The following SCGN variants were observed in gnomAD, a reference collection of about 807,000 sequenced individuals.
SCGN encodes secretagogin, EF-hand calcium binding protein, also known as secretagogin.
In SCGN, 30 loss-of-function variants were observed where a neutral mutation model predicts 39.7. That is an observed-to-expected ratio of 0.76 (90% CI 0.57 to 1.03). The LOEUF is 1.03. SCGN is among the 50% of genes least tolerant of loss of function. The pLI is 0.00. For missense variants in SCGN, 353 were observed against 349.4 expected (o/e 1.01, Z -0.08); for synonymous variants, 106 against 114.1 (o/e 0.93, Z 0.45).
chr6:25,661,663 T>A lies in SCGN; in HGVS notation c.246+19T>A, dbSNP rs937611091. 1 of 1,501,002 alleles carries A rather than the reference T, an allele frequency of 6.7e-7. No individual in the cohort carries two copies. Among genetic ancestry groups the A allele is most frequent in the African/African-American group, 1.4e-5 (1 of 72,622 alleles). The allele number at this position is 1,501,002 out of a possible 1,614,324, so 93.0% of individuals were successfully genotyped here. A position where few individuals can be genotyped will look rare whatever the true frequency, so the allele number is the denominator to read the frequency against. ...GAAAGAGGTAACTTTACTGACAGTA[T>A]TTTTCATGGCTCTACTCTTCTTGAC... On this transcript the variant is annotated intron_variant, in intron 3 of 10. Coordinates refer to ENST00000377961, the MANE Select transcript of SCGN (RefSeq NM_006998.4).
chr6:25,694,962 A>G (rs2151383601), intron 10 of SCGN, among the ~76,000 whole-genome samples: 1 of 152,338 alleles, frequency 6.6e-6, no homozygotes, highest in South Asian at 2.1e-4. Context: ...AGCATATACC[A>G]TGGGATCAGC....
intron 6 of SCGN, among the ~76,000 whole-genome samples, chr6:25,676,738 A>G (rs1346643531): frequency 6.6e-6 from 1 of 152,160 alleles, no homozygotes; most frequent in Non-Finnish European, 1.5e-5. Flanking sequence ...ACGTATGTAA[A>G]ACAGTCAGTA....
At chr6:25,676,897 C>T (rs1005083345) in intron 6 of SCGN, among the ~76,000 whole-genome samples, 4 of 152,122 alleles carry the variant, frequency 2.6e-5, no homozygotes, top group Non-Finnish European at 4.4e-5. Context: ...AATGAATGAA[C>T]GCACGAATAA....
In SCGN at chr6:25,670,086, G is replaced by A. The variant is rs201545986; in HGVS notation, c.471+10G>A. 3.8e-6 allele frequency: 6 copies of A among 1,592,940 alleles called. No homozygotes were observed. The highest frequency in any genetic ancestry group is 1.7e-4 in the Middle Eastern group (1 of 6,036). On this transcript the variant is annotated intron_variant, in intron 6 of 10. Coordinates refer to ENST00000377961, the MANE Select transcript of SCGN (RefSeq NM_006998.4). ...ATACACTGGCACCATGGTAAGTAATGAGTAATGTAATCTCCATGAGGGCAG... is the reference window on the plus strand; with the variant it reads ...ATACACTGGCACCATGGTAAGTAATAAGTAATGTAATCTCCATGAGGGCAG...
At chr6:25,692,782 A>C (rs995441004) in intron 10 of SCGN, among the ~76,000 whole-genome samples, 1 of 152,090 alleles carries the variant, frequency 6.6e-6, no homozygotes, top group Non-Finnish European at 1.5e-5. Context: ...TGGTTTCCAG[A>C]GGGGCTGCCT....
chr6:25,658,187 G>A (rs1199061559), intron 2 of SCGN, among the ~76,000 whole-genome samples: 5 of 151,010 alleles, frequency 3.3e-5, no homozygotes, highest in African/African-American at 1.2e-4. Context: ...CTACAGGCAC[G>A]TGCCACCACG....
At chr6:25,654,507 C>T (rs973086749) in intron 2 of SCGN, among the ~76,000 whole-genome samples, 2 of 152,086 alleles carry the variant, frequency 1.3e-5, no homozygotes, top group African/African-American at 2.4e-5. Context: ...TCATGGCTCT[C>T]ATCTCCTACT....
At chr6:25,672,176 G>T (rs1056581000) in intron 6 of SCGN, among the ~76,000 whole-genome samples, 12 of 152,182 alleles carry the variant, frequency 7.9e-5, no homozygotes, top group Non-Finnish European at 1.0e-4. Flanking sequence ...CTGTGCCTGT[G>T]TAGTGCCTAG....
chr6:25,680,516 C>T (rs1370592881), intron 6 of SCGN, among the ~76,000 whole-genome samples: 1 of 152,164 alleles, frequency 6.6e-6, no homozygotes, highest in African/African-American at 2.4e-5. Flanking sequence ...AGGCCAATTT[C>T]GAGCACAGGA....
At chr6:25,669,096 G>A (rs1001999779) in intron 4 of SCGN, among the ~76,000 whole-genome samples, 46 of 136,100 alleles carry the variant, frequency 3.4e-4, no homozygotes, top group African/African-American at 1.2e-3. Context: ...GGGCGACAGA[G>A]CGAGACTCCG....
At chr6:25,693,190 G>C (rs1759794634) in intron 10 of SCGN, among the ~76,000 whole-genome samples, 1 of 152,094 alleles carries the variant, frequency 6.6e-6, no homozygotes, top group South Asian at 2.1e-4. Flanking sequence ...GGTGGCTCAT[G>C]CCTGTAATCC....
chr6:25,680,560 G>T (rs889502500), intron 6 of SCGN, among the ~76,000 whole-genome samples: 8 of 152,196 alleles, frequency 5.3e-5, no homozygotes, highest in Admixed American at 3.9e-4. Flanking sequence ...GCACAGCAAT[G>T]GAGTTAGGCC....
In SCGN at chr6:25,669,536, G is replaced by A. The variant is rs1299878635; in HGVS notation, c.362G>A (p.Ser121Asn). The A allele has an allele frequency of 2.5e-6, 4 of 1,613,526 alleles. No individual in the cohort carries two copies. The highest frequency in any genetic ancestry group is 1.7e-5 in the Admixed American group (1 of 59,994). Residue 121 changes from serine to asparagine, a missense_variant, in exon 5 of 11, where the codon AGC becomes AAC. By Grantham distance (46) the Ser-to-Asn change is conservative. Transcript: ENST00000377961. ...MQIWRKYDAD[S>N]SGFISAAELR... ...ATTTGGCGCAAATATGACGCTGACA[G>A]CAGTGGCTTTATATCAGCTGCTGAG...
chr6:25,684,299 C>G (rs1352799399), intron 7 of SCGN, among the ~76,000 whole-genome samples: 1 of 152,102 alleles, frequency 6.6e-6, no homozygotes, highest in East Asian at 1.9e-4. Context: ...GCAGCAAAAT[C>G]AGTTAGTATA....
rs143498976 is a variant in SCGN, at chr6:25,653,246, C to T, written c.83-136C>T. 2.7e-5 allele frequency: 17 copies of T among 633,388 alleles called. 1 individual carries two copies. In the East Asian group the frequency reaches 4.5e-4, roughly 17 times the overall value. The allele number at this position is 633,388 out of a possible 1,614,324, so 39.2% of individuals were successfully genotyped here. ...CATGTATTCTAGAGGTAGGTGTTGG[C>T]ACTTTGTTATTGGAATAACAAAAAA... On this transcript the variant is annotated intron_variant, in intron 1 of 10. Coordinates refer to ENST00000377961, the MANE Select transcript of SCGN (RefSeq NM_006998.4).
At chr6:25,659,218 A>C (rs1760287808) in intron 2 of SCGN, among the ~76,000 whole-genome samples, 1 of 152,196 alleles carries the variant, frequency 6.6e-6, no homozygotes, top group Non-Finnish European at 1.5e-5. Flanking sequence ...ATAATATCTA[A>C]AGCTTGTGGT....
intron 2 of SCGN, among the ~76,000 whole-genome samples, chr6:25,654,572 C>T (rs1416714551): frequency 2.0e-5 from 3 of 152,086 alleles, no homozygotes; most frequent in African/African-American, 7.2e-5. Context: ...GTCTCTGTTT[C>T]TCATTTGTTT....
intron 10 of SCGN, among the ~76,000 whole-genome samples, chr6:25,692,966 G>A (rs75789487): frequency 6.6e-6 from 1 of 152,048 alleles, no homozygotes; most frequent in East Asian, 1.9e-4. Flanking sequence ...TTTAATTCCA[G>A]ATCAGCCATT....
intron 2 of SCGN, among the ~76,000 whole-genome samples, chr6:25,660,180 C>G (rs1443211009): frequency 1.3e-5 from 2 of 152,216 alleles, no homozygotes; most frequent in Non-Finnish European, 2.9e-5. Context: ...TGCCCATCCT[C>G]TGGCTGGCAG....
Sources: allele counts gnomAD v4.1 joint callset (sites outside exome capture counted in the v4.1 genomes callset), GRCh38; gene constraint gnomAD v4.1.1; transcripts MANE v1.5; gene names NCBI Gene and HGNC (gene_info 2026-07-23, HGNC 2026-07-21).